MTARC2: variants seen among roughly 807,000 people sequenced by gnomAD.
MTARC2 encodes the protein mitochondrial amidoxime reducing component 2.
In MTARC2, 27 loss-of-function variants were observed where a neutral mutation model predicts 35.6. That is an observed-to-expected ratio of 0.76 (90% CI 0.56 to 1.04). The LOEUF (loss-of-function observed/expected upper bound fraction) is 1.04, where lower values mean the gene tolerates loss of function less well. MTARC2 is among the 50% of genes least tolerant of loss of function. The pLI is 0.00. For missense variants in MTARC2, 412 were observed against 432.5 expected (o/e 0.95, Z 0.42); for synonymous variants, 158 against 167.1 (o/e 0.95, Z 0.42).
chr1:220,755,008 G>T lies in MTARC2; in HGVS notation c.334G>T (p.Val112Leu), dbSNP rs145299584. Reference sequence around the variant, plus strand: ...CACTGCCCGACAGGAGCCTCGCCTCGTGCTCATCTCCATCATTTATGAGAA... The same window carrying T: ...CACTGCCCGACAGGAGCCTCGCCTCTTGCTCATCTCCATCATTTATGAGAA... ...MVTARQEPRLVLISIIYENNC... is the reference protein window; with the variant it reads ...MVTARQEPRLLLISIIYENNC... Residue 112 changes from valine to leucine, a missense_variant, in exon 2 of 8, where the codon GTG becomes TTG. Transcript: ENST00000366913. The T allele has an allele frequency of 2.5e-6, 4 of 1,613,010 alleles. No homozygotes were observed. The Middle Eastern group carries it at 5.0e-4, about 200-fold the overall frequency.
At position 220,761,682 on chromosome 1, in the gene MTARC2, C is replaced by T. The variant is rs771147912; in HGVS notation, c.471C>T (p.Gly157=). 5.6e-6 allele frequency: 9 copies of T among 1,613,564 alleles called. No individual in the cohort carries two copies. In the South Asian group the frequency reaches 8.8e-5, roughly 16 times the overall value. The part of the protein sequence containing the change: ...NCRIFGLDIK[G]RDCGNEAAKW... The stretch of plus-strand genomic sequence containing the variant: ...GGATATTTGGCCTTGACATTAAAGG[C>T]AGAGACTGTGGCAATGAGGCAGCTA... Residue 157 remains glycine (G), a synonymous_variant, in exon 3 of 8, where the codon GGC becomes GGT. Coordinates refer to ENST00000366913, the MANE Select transcript of MTARC2 (RefSeq NM_017898.5).
In MTARC2 at chr1:220,763,777, G is replaced by A. The variant is rs961436077; in HGVS notation, c.750+727G>A. On this transcript the variant is annotated intron_variant, in intron 4 of 7. Transcript: ENST00000366913. ...TTATTGGGTGTTTACTGGGTGCTAGGCATTGAGCTAAATAATCATTTCAGA... is the reference window on the plus strand; with the variant it reads ...TTATTGGGTGTTTACTGGGTGCTAGACATTGAGCTAAATAATCATTTCAGA... 3.3e-5 allele frequency among the ~76,000 whole-genome samples: 5 copies of A among 152,168 alleles called. No individual in the cohort carries two copies. In the East Asian group the frequency reaches 9.6e-4, roughly 29 times the overall value.
intron 4 of MTARC2, among the ~76,000 whole-genome samples, chr1:220,767,665 T>A (rs1478247261): frequency 6.6e-6 from 1 of 152,212 alleles, no homozygotes; most frequent in East Asian, 1.9e-4. Flanking sequence ...ATATTTTTAA[T>A]GGAATAACTT....
intron 1 of MTARC2, among the ~76,000 whole-genome samples, chr1:220,751,697 G>C (rs1671129310): frequency 6.6e-6 from 1 of 152,064 alleles, no homozygotes; most frequent in African/African-American, 2.4e-5. Flanking sequence ...TTGGTTGTTC[G>C]GGGCTCTATA....
At chr1:220,769,729 T>C (rs953957679) in intron 4 of MTARC2, among the ~76,000 whole-genome samples, 7 of 142,446 alleles carry the variant, frequency 4.9e-5, no homozygotes, top group African/African-American at 5.4e-5. Context: ...TTTAACTCCC[T>C]GGGCACTTTC....
chr1:220,756,993 C>T (rs983672762), intron 2 of MTARC2, among the ~76,000 whole-genome samples: 1 of 152,274 alleles, frequency 6.6e-6, no homozygotes, highest in Non-Finnish European at 1.5e-5. Flanking sequence ...ACCTCCACCT[C>T]CCAGGTTCAA....
chr1:220,775,992 G>T (rs149167963), intron 4 of MTARC2, among the ~76,000 whole-genome samples: 2 of 152,140 alleles, frequency 1.3e-5, no homozygotes, highest in East Asian at 3.9e-4. Context: ...GAATATACGC[G>T]TGCATGTGTC....
At chr1:220,764,742 A>C (rs1433372796) in intron 4 of MTARC2, among the ~76,000 whole-genome samples, 2 of 151,924 alleles carry the variant, frequency 1.3e-5, no homozygotes, top group Non-Finnish European at 2.9e-5. Context: ...ACTGCACTCC[A>C]GTCTGGGTGA....
chr1:220,762,614 G>A (rs572855004), intron 3 of MTARC2, among the ~76,000 whole-genome samples: 1 of 152,158 alleles, frequency 6.6e-6, no homozygotes, highest in Admixed American at 6.5e-5. Context: ...CGCTGTTTGA[G>A]GATGATGGGG....
chr1:220,755,221 A>C, intron 2 of MTARC2, 101 bp downstream of exon 2: 1 of 1,266,302 alleles, frequency 7.9e-7, no homozygotes, highest in African/African-American at 1.5e-5. Context: ...GTAGAGGATG[A>C]CATTGGTAAA....
chr1:220,782,331 C>A (rs183376997), intron 7 of MTARC2, among the ~76,000 whole-genome samples: 35 of 152,194 alleles, frequency 2.3e-4, no homozygotes, highest in Middle Eastern at 6.8e-3. Context: ...TATTCAACAT[C>A]AGCTTGGGAA....
At chr1:220,773,201 T>C (rs1179900691) in intron 4 of MTARC2, among the ~76,000 whole-genome samples, 3 of 152,056 alleles carry the variant, frequency 2.0e-5, no homozygotes, top group Non-Finnish European at 4.4e-5. Flanking sequence ...GGAGGTTGAG[T>C]TCAGTCACCA....
At chr1:220,765,268 T>C (rs1455856327) in intron 4 of MTARC2, among the ~76,000 whole-genome samples, 1 of 152,102 alleles carries the variant, frequency 6.6e-6, no homozygotes, top group Non-Finnish European at 1.5e-5. Flanking sequence ...AATAAAGGGG[T>C]GCTTGGGAGC....
chr1:220,764,615 C>T (rs1011773546), intron 4 of MTARC2, among the ~76,000 whole-genome samples: 1 of 152,004 alleles, frequency 6.6e-6, no homozygotes, highest in Non-Finnish European at 1.5e-5. Context: ...GGCAAAACCC[C>T]ATCTCTACTA....
chr1:220,760,384 C>G (rs1274590437), intron 2 of MTARC2, among the ~76,000 whole-genome samples: 1 of 152,200 alleles, frequency 6.6e-6, no homozygotes, highest in Non-Finnish European at 1.5e-5. Flanking sequence ...TGACAAATCA[C>G]TATGTGAAAT....
At chr1:220,749,101 A>G (rs974097708) in intron 1 of MTARC2, among the ~76,000 whole-genome samples, 2 of 152,212 alleles carry the variant, frequency 1.3e-5, no homozygotes, top group Non-Finnish European at 2.9e-5. Flanking sequence ...TTGTGATTCT[A>G]TCCTAGTATA....
At position 220,755,023 on chromosome 1, in the gene MTARC2, A is replaced by G. The variant is rs1322987256; in HGVS notation, c.349A>G (p.Ile117Val). ...GCCTCGCCTCGTGCTCATCTCCATC[A>G]TTTATGAGAATAACTGCCTGATCTT... is the stretch of plus-strand genomic sequence containing the variant. ...QEPRLVLISIIYENNCLIFRA... is the reference protein window; with the variant it reads ...QEPRLVLISIVYENNCLIFRA... The change falls in exon 2 of 8, where the codon ATT (isoleucine) becomes GTT (valine). Residue 117 changes from isoleucine to valine, a missense_variant. Coordinates refer to ENST00000366913, the MANE Select transcript of MTARC2 (RefSeq NM_017898.5). 4 of 1,613,158 alleles carry G rather than the reference A, an allele frequency of 2.5e-6. No individual in the cohort carries two copies. The African/African-American group carries it at 5.3e-5, about 22-fold the overall frequency.
chr1:220,754,830 A>G (rs967970075), intron 1 of MTARC2, 117 bp from the exon 2 acceptor site: 10 of 976,860 alleles, frequency 1.0e-5, no homozygotes, highest in Admixed American at 2.4e-5. Context: ...CTGGAAAATG[A>G]TTGTTAGGTC....
chr1:220,761,756 T>A lies in MTARC2; in HGVS notation c.545T>A (p.Phe182Tyr). 2 of 1,613,870 alleles carry A rather than the reference T, an allele frequency of 1.2e-6. No individual in the cohort carries two copies. The highest frequency in any genetic ancestry group is 2.2e-5 in the South Asian group (2 of 91,000). Reference protein sequence around the residue: ...LKTEAYRLVQFETNMKGRTSR... With the variant: ...LKTEAYRLVQYETNMKGRTSR... ...ACTGAAGCGTATAGATTGGTTCAATTTGAGACAAACATGAAGGGAAGAACA... is the reference window on the plus strand; with the variant it reads ...ACTGAAGCGTATAGATTGGTTCAATATGAGACAAACATGAAGGGAAGAACA... Residue 182 changes from phenylalanine (F) to tyrosine (Y), a missense_variant, in exon 3 of 8, where the codon TTT becomes TAT. Transcript: ENST00000366913.
Sources: gnomAD v4.1 joint callset for allele counts (sites outside exome capture counted in the v4.1 genomes callset) on GRCh38, gnomAD v4.1.1 for gene constraint, MANE v1.5 for transcripts, NCBI Gene and HGNC (gene_info 2026-07-23, HGNC 2026-07-21) for gene names.